The following HDAC8 variants were observed in gnomAD, a reference collection of about 807,000 sequenced individuals.
The protein encoded by HDAC8 is histone deacetylase 8.
In HDAC8, 1 loss-of-function variant was observed where a neutral mutation model predicts 32.2. The ratio of observed to expected loss-of-function variants is 0.03; its 90% CI spans 0.01 to 0.15. HDAC8 has a LOEUF of 0.15. Among genes scored for constraint, HDAC8 ranks in the 10% least tolerant of loss-of-function variants. The pLI, the probability that HDAC8 is intolerant of heterozygous loss-of-function variation, is 1.00. For synonymous variants in HDAC8, 108 were observed against 113.9 expected, an observed-to-expected ratio of 0.95 and a Z score of 0.33; for missense variants, 117 against 300.0, an observed-to-expected ratio of 0.39 and a Z score of 4.51.
chrX:72,468,907 C>T (rs182651534), intron 7 of HDAC8, among the ~76,000 whole-genome samples: 7 of 111,543 alleles, frequency 6.3e-5, no homozygotes, highest in African/African-American at 2.3e-4. Flanking sequence ...CCTATTTTTT[C>T]CCCCTGCCTG....
chrX:72,525,967 T>C (rs2050141432), intron 4 of HDAC8, among the ~76,000 whole-genome samples: 1 of 109,652 alleles, frequency 9.1e-6, no homozygotes, highest in South Asian at 4.0e-4. Flanking sequence ...TGTGGTGGCT[T>C]GTGCCTATAA....
At chrX:72,427,603 G>C (rs1441472797) in intron 9 of HDAC8, among the ~76,000 whole-genome samples, 1 of 48,949 alleles carries the variant, frequency 2.0e-5, no homozygotes, top group African/African-American at 3.0e-4. Context: ...GTTGTGGGGT[G>C]GGGGGGGGGA....
chrX:72,430,703 C>G (rs1303669500), intron 9 of HDAC8, among the ~76,000 whole-genome samples: 2 of 111,526 alleles, frequency 1.8e-5, no homozygotes. Context: ...AGTAAATTGG[C>G]CTTTATCTCA....
intron 9 of HDAC8, among the ~76,000 whole-genome samples, chrX:72,360,398 T>C (rs782704709): frequency 1.8e-5 from 2 of 111,471 alleles, no homozygotes; most frequent in Non-Finnish European, 3.8e-5. Context: ...TCCAAATCCC[T>C]TTCTATAAAA....
At chrX:72,416,409 T>TG (rs2046338765) in intron 9 of HDAC8, among the ~76,000 whole-genome samples, 1 of 55,686 alleles carries the variant, frequency 1.8e-5, no homozygotes, top group Non-Finnish European at 3.2e-5. Context: ...GTCTTCTCTG[T>TG]TTTTTTTTTT....
intron 9 of HDAC8, among the ~76,000 whole-genome samples, chrX:72,399,740 TAA>T (rs2045857211): frequency 8.9e-6 from 1 of 112,330 alleles, no homozygotes; most frequent in African/African-American, 3.2e-5. Context: ...TCCATTTCAA[TAA>T]AGTTTTATAA....
At chrX:72,423,295 T>TA (rs782508481) in intron 9 of HDAC8, among the ~76,000 whole-genome samples, 25 of 111,655 alleles carry the variant, frequency 2.2e-4, no homozygotes, top group South Asian at 7.6e-4. Context: ...AACCAAGTCT[T>TA]ACAATTACAC....
At chrX:72,499,993 G>A (rs1275867431) in intron 4 of HDAC8, among the ~76,000 whole-genome samples, 1 of 111,535 alleles carries the variant, frequency 9.0e-6, no homozygotes, top group Admixed American at 9.5e-5. Context: ...CAGAATCTAT[G>A]ATGAACACTC....
intron 9 of HDAC8, among the ~76,000 whole-genome samples, chrX:72,372,754 A>G: frequency 8.9e-6 from 1 of 111,879 alleles, no homozygotes; most frequent in Non-Finnish European, 1.9e-5. Flanking sequence ...GGCAAGTTAC[A>G]TAATTTTTTT....
At chrX:72,383,712 C>G (rs966538077) in intron 9 of HDAC8, among the ~76,000 whole-genome samples, 1 of 109,316 alleles carries the variant, frequency 9.1e-6, no homozygotes, top group African/African-American at 3.3e-5. Context: ...CTACTAAAAA[C>G]ACAAAAAATT....
rs781834265 is a variant in HDAC8, at chrX:72,492,415, T to C, written c.551-1409A>G. ...TATAAAATCATATTTAAAAAGGAGA[T>C]GTACACAGATAGGAGGAAGCTATGG... On this transcript the variant is annotated intron_variant, in intron 5 of 10. Coordinates refer to ENST00000373573, the MANE Select transcript of HDAC8 (RefSeq NM_018486.3). 6.3e-5 allele frequency among the ~76,000 whole-genome samples: 7 copies of C among 111,525 alleles called. No individual in the cohort carries two copies. The East Asian group carries it at 1.7e-3, about 27-fold the overall frequency.
chrX:72,520,508 T>C (rs1556028013), intron 4 of HDAC8, among the ~76,000 whole-genome samples: 1 of 112,126 alleles, frequency 8.9e-6, no homozygotes, highest in East Asian at 2.8e-4. Context: ...CACATTTCTG[T>C]CTCTCTCTCA....
chrX:72,532,831 C>G (rs782710878), intron 4 of HDAC8, among the ~76,000 whole-genome samples: 1 of 111,572 alleles, frequency 9.0e-6, no homozygotes, highest in Non-Finnish European at 1.9e-5. Flanking sequence ...GATTATCTTT[C>G]TACTTACTTG....
At chrX:72,493,016 C>T (rs1225117342) in intron 5 of HDAC8, among the ~76,000 whole-genome samples, 3 of 111,324 alleles carry the variant, frequency 2.7e-5, no homozygotes, top group African/African-American at 6.5e-5. Flanking sequence ...ATGAATAATA[C>T]GGGACTTGAG....
At chrX:72,338,680 TATACAA>T (rs2043795609) in intron 10 of HDAC8, among the ~76,000 whole-genome samples, 1 of 59,487 alleles carries the variant, frequency 1.7e-5, no homozygotes, top group African/African-American at 4.9e-5. Flanking sequence ...TAAATATATA[TATACAA>T]ATATATATAT....
At chrX:72,404,122 C>G (rs1555968191) in intron 9 of HDAC8, among the ~76,000 whole-genome samples, 1 of 110,431 alleles carries the variant, frequency 9.1e-6, no homozygotes, top group Non-Finnish European at 1.9e-5. Context: ...TATTTTTGTC[C>G]TATTTTGGGC....
chrX:72,340,602 G>A (rs2043863260), intron 10 of HDAC8, among the ~76,000 whole-genome samples: 1 of 111,566 alleles, frequency 9.0e-6, no homozygotes, highest in African/African-American at 3.3e-5. Context: ...TCACCTCAAG[G>A]CATATCATGA....
intron 9 of HDAC8, among the ~76,000 whole-genome samples, chrX:72,355,948 G>C (rs1555950647): frequency 8.9e-6 from 1 of 112,038 alleles, no homozygotes; most frequent in African/African-American, 3.2e-5. Flanking sequence ...GATTATTATA[G>C]AGCAGTGTGA....
At chrX:72,425,908 C>T (rs1339494904) in intron 9 of HDAC8, among the ~76,000 whole-genome samples, 3 of 111,766 alleles carry the variant, frequency 2.7e-5, no homozygotes, top group Non-Finnish European at 5.6e-5. Context: ...CAAATATTAC[C>T]TCCTTTGTGA....
Sources: allele counts gnomAD v4.1 joint callset (sites outside exome capture counted in the v4.1 genomes callset), GRCh38; gene constraint gnomAD v4.1.1; transcripts MANE v1.5; gene names NCBI Gene and HGNC (gene_info 2026-07-23, HGNC 2026-07-21).